MACROD2: variants seen among roughly 807,000 people sequenced by gnomAD.
MACROD2 encodes mono-ADP ribosylhydrolase 2, also known as ADP-ribose glycohydrolase MACROD2.
A neutral mutation model predicts 70.4 loss-of-function variants in MACROD2; 36 were observed. That is an observed-to-expected ratio of 0.51 (90% CI 0.39 to 0.68). The LOEUF (loss-of-function observed/expected upper bound fraction) is 0.68. Ranked by LOEUF, MACROD2 falls within the 30% of genes least tolerant of loss-of-function variation. The pLI, the probability that MACROD2 is intolerant of heterozygous loss-of-function variation, is 0.00. For missense variants in MACROD2, 496 were observed against 538.4 expected, an observed-to-expected ratio of 0.92 and a Z score of 0.78; for synonymous variants, 172 against 178.8, an observed-to-expected ratio of 0.96 and a Z score of 0.30.
intron 6 of MACROD2, among the ~76,000 whole-genome samples, chr20:15,251,369 C>T (rs901499586): frequency 1.3e-5 from 2 of 152,190 alleles, no homozygotes; most frequent in Admixed American, 6.5e-5. Flanking sequence ...TGCAAATTCT[C>T]ACTGAATAAA....
chr20:15,352,976 T>G (rs1460959466), intron 6 of MACROD2, among the ~76,000 whole-genome samples: 4 of 151,986 alleles, frequency 2.6e-5, no homozygotes, highest in African/African-American at 9.6e-5. Context: ...TACCAATGAC[T>G]TTCTTCACAG....
At chr20:14,093,668 C>CA (rs11475558) in intron 3 of MACROD2, among the ~76,000 whole-genome samples, 53 of 145,004 alleles carry the variant, frequency 3.7e-4, no homozygotes, top group African/African-American at 9.8e-4. Context: ...ACTCATTTGA[C>CA]AAAAAAAAAA....
chr20:15,550,542 A>G (rs2048081449), intron 8 of MACROD2, among the ~76,000 whole-genome samples: 1 of 152,084 alleles, frequency 6.6e-6, no homozygotes. Flanking sequence ...TTTTTATTGT[A>G]TCACTTTTTT....
At chr20:15,025,502 A>G (rs770631023) in intron 5 of MACROD2, among the ~76,000 whole-genome samples, 2 of 152,042 alleles carry the variant, frequency 1.3e-5, no homozygotes, top group Admixed American at 6.5e-5. Flanking sequence ...GAGGGCACAG[A>G]TGAAAATTCT....
intron 8 of MACROD2, among the ~76,000 whole-genome samples, chr20:15,724,113 T>A (rs938305425): frequency 6.6e-5 from 10 of 152,222 alleles, no homozygotes; most frequent in African/African-American, 2.4e-4. Flanking sequence ...ATTTTTTAAT[T>A]GAATGGCTAA....
chr20:15,635,602 G>A (rs12106130), intron 8 of MACROD2, among the ~76,000 whole-genome samples: 12,700 of 152,060 alleles, frequency 0.084, 758 homozygotes, highest in East Asian at 0.19. Flanking sequence ...GGTGGAGGGA[G>A]GGAGGGGAGC....
intron 4 of MACROD2, among the ~76,000 whole-genome samples, chr20:14,590,101 T>A (rs1019277722): frequency 2.0e-5 from 3 of 152,184 alleles, no homozygotes; most frequent in African/African-American, 7.2e-5. Context: ...ATAATCTATA[T>A]CTTTTGGTAA....
Position 15,449,423 on chromosome 20 carries a change from C to T in MACROD2, c.571+17988C>T, listed in dbSNP as rs147638450. ...CTTTTAATCATTAAAGTGAGATACG[C>T]ACATGCTAAAAAACAGTAAAGCAAT... On this transcript the variant is annotated intron_variant, in intron 7 of 17. Coordinates refer to ENST00000684519, the MANE Select transcript of MACROD2 (RefSeq NM_001351661.2). Among the ~76,000 whole-genome samples, 139 of 152,198 alleles carry T rather than the reference C, an allele frequency of 9.1e-4. No homozygotes were observed. In the Middle Eastern group the frequency reaches 0.027, roughly 30 times the overall value.
At chr20:14,016,362 C>T (rs1017374808) in intron 2 of MACROD2, among the ~76,000 whole-genome samples, 3 of 152,160 alleles carry the variant, frequency 2.0e-5, no homozygotes, top group Non-Finnish European at 4.4e-5. Flanking sequence ...CTTTGTGGGT[C>T]GTCTTTTCAC....
intron 5 of MACROD2, among the ~76,000 whole-genome samples, chr20:14,744,656 T>C (rs1159535948): frequency 6.6e-6 from 1 of 152,190 alleles, no homozygotes; most frequent in Non-Finnish European, 1.5e-5. Flanking sequence ...CTTTGGCTGA[T>C]AGAACAGTGT....
At chr20:15,948,987 G>C (rs2065867918) in intron 12 of MACROD2, among the ~76,000 whole-genome samples, 1 of 152,152 alleles carries the variant, frequency 6.6e-6, no homozygotes, top group Admixed American at 6.5e-5. Context: ...CATCCAAATA[G>C]GTCCAAATTT....
intron 5 of MACROD2, among the ~76,000 whole-genome samples, chr20:15,050,585 A>G (rs1403176575): frequency 1.8e-5 from 2 of 111,584 alleles, no homozygotes; most frequent in African/African-American, 7.2e-5. Flanking sequence ...TCCGTTGCCC[A>G]GGCTGGAGTG....
In MACROD2 at chr20:14,655,146, G is replaced by C. The variant is rs139634208; in HGVS notation, c.302-29697G>C. Among the ~76,000 whole-genome samples the C allele has an allele frequency of 5.1e-4, 77 of 152,198 alleles. 2 individuals carry two copies. In the South Asian group the frequency reaches 0.014, roughly 27 times the overall value. ...TTTCTTTCTTTGGTAACTGAGAAAG[G>C]TTTAACTATTTATTACAACGTTTAA... is the stretch of plus-strand genomic sequence containing the variant. On this transcript the variant is annotated intron_variant, in intron 4 of 17. Coordinates refer to ENST00000684519, the MANE Select transcript of MACROD2 (RefSeq NM_001351661.2).
At chr20:15,556,338 T>C (rs1334029316) in intron 8 of MACROD2, among the ~76,000 whole-genome samples, 2 of 152,202 alleles carry the variant, frequency 1.3e-5, no homozygotes, top group Non-Finnish European at 2.9e-5. Context: ...GGGCACTGTG[T>C]TTACTTAAAG....
At chr20:15,211,824 A>G (rs80135913) in intron 5 of MACROD2, among the ~76,000 whole-genome samples, 6,470 of 152,306 alleles carry the variant, frequency 0.042, 154 homozygotes, top group Middle Eastern at 0.092. Context: ...TAAAACAGCT[A>G]TGAATATTTG....
rs562889963 is a variant in MACROD2, at chr20:14,616,100, T to C, written c.302-68743T>C. ...AGTGTGCATGAAGGTAGATTACTCA[T>C]GTTGATTTGAATCCTGTTTTCTTGT... On this transcript the variant is annotated intron_variant, in intron 4 of 17. Transcript: ENST00000684519. Among the ~76,000 whole-genome samples the C allele has an allele frequency of 1.2e-4, 19 of 152,254 alleles. No individual in the cohort carries two copies. The South Asian group carries it at 1.7e-3, about 13-fold the overall frequency.
chr20:16,030,384 G>A (rs1438712979), intron 15 of MACROD2, among the ~76,000 whole-genome samples: 1 of 152,182 alleles, frequency 6.6e-6, no homozygotes, highest in Non-Finnish European at 1.5e-5. Context: ...GAGCCACAGA[G>A]CAGTATAGAA....
chr20:15,669,605 T>A (rs190721283), intron 8 of MACROD2, among the ~76,000 whole-genome samples: 1 of 152,186 alleles, frequency 6.6e-6, no homozygotes, highest in Non-Finnish European at 1.5e-5. Context: ...GCCTAATATA[T>A]GATCCTCCTT....
At chr20:14,816,006 C>T (rs987280512) in intron 5 of MACROD2, among the ~76,000 whole-genome samples, 3 of 152,012 alleles carry the variant, frequency 2.0e-5, no homozygotes, top group African/African-American at 4.8e-5. Context: ...TGAATAACTC[C>T]GGTCCCCTTA....
Sources: allele counts gnomAD v4.1 joint callset (sites outside exome capture counted in the v4.1 genomes callset), GRCh38; gene constraint gnomAD v4.1.1; transcripts MANE v1.5; gene names NCBI Gene and HGNC (gene_info 2026-07-23, HGNC 2026-07-21).